Variants in FGD4 observed in about 807,000 individuals in gnomAD.
FGD4 encodes the protein FYVE, RhoGEF and PH domain-containing protein 4.
In FGD4, 42 loss-of-function variants were observed where a neutral mutation model predicts 102.0. The observed-to-expected ratio is 0.41, with a 90% CI of 0.32 to 0.53. FGD4 has a LOEUF of 0.53. FGD4 is among the 20% of genes least tolerant of loss of function. The probability of loss-of-function intolerance (pLI) is 0.21; values close to 1 mark genes in which losing one functional copy is unlikely to be tolerated. For synonymous variants in FGD4, 380 were observed against 375.7 expected (o/e 1.01, Z -0.13); for missense variants, 902 against 1,078.2 (o/e 0.84, Z 2.29).
intron 1 of FGD4, among the ~76,000 whole-genome samples, chr12:32,513,466 G>C (rs1278614467): frequency 9.2e-5 from 14 of 152,158 alleles, no homozygotes; most frequent in Non-Finnish European, 1.5e-5. Flanking sequence ...TAAGCTGCCA[G>C]GCAACATGGT....
chr12:32,435,975 T>C (rs1275077929), intron 1 of FGD4, among the ~76,000 whole-genome samples: 1 of 152,206 alleles, frequency 6.6e-6, no homozygotes, highest in Non-Finnish European at 1.5e-5. Flanking sequence ...CTTAGGGACT[T>C]TCTCAAAGTA....
At chr12:32,500,685 G>A (rs1342335864) in intron 1 of FGD4, among the ~76,000 whole-genome samples, 2 of 152,126 alleles carry the variant, frequency 1.3e-5, no homozygotes, top group Non-Finnish European at 2.9e-5. Flanking sequence ...ACCTGCCTCA[G>A]CCTCCCAAAG....
chr12:32,552,094 G>C (rs1355984844), intron 1 of FGD4, among the ~76,000 whole-genome samples: 7 of 152,184 alleles, frequency 4.6e-5, no homozygotes, highest in African/African-American at 1.7e-4. Context: ...ACCTCCTCCA[G>C]CTCAAGATGG....
rs1356899755 is a variant in FGD4 at position 32,608,023 on chromosome 12, C to T, written c.1471C>T (p.Arg491Trp). ...GCTAGAACCTGTTCAGCGGATTCCC[C>T]GGTATGAGATGCTCCTTAAGGACTA... ...HMLEPVQRIP[R>W]YEMLLKDYLR... The change falls in exon 8 of 17, where the codon CGG (arginine) becomes TGG (tryptophan). Residue 491 changes from arginine to tryptophan, a missense_variant. Around this residue, in one of 2 missense-constraint regions of FGD4, gnomAD observed 459 missense variants for 619.0 expected, o/e 0.74. Coordinates refer to ENST00000534526, the MANE Select transcript of FGD4 (RefSeq NM_001370298.3). 3.7e-6 allele frequency: 6 copies of T among 1,614,040 alleles called. No individual in the cohort carries two copies. Among genetic ancestry groups the T allele is most frequent in the Non-Finnish European group, 3.4e-6 (4 of 1,180,026 alleles).
At chr12:32,409,266 C>T (rs2136391810) in intron 1 of FGD4, among the ~76,000 whole-genome samples, 1 of 150,702 alleles carries the variant, frequency 6.6e-6, no homozygotes, top group East Asian at 1.9e-4. Context: ...ACTCTTTCCT[C>T]CCCCCAGTAA....
chr12:32,512,200 A>G (rs1288963512), intron 1 of FGD4, among the ~76,000 whole-genome samples: 2 of 152,016 alleles, frequency 1.3e-5, no homozygotes, highest in South Asian at 2.1e-4. Flanking sequence ...TAATCCCAGC[A>G]CTTTCGGAGG....
intron 1 of FGD4, among the ~76,000 whole-genome samples, chr12:32,472,928 C>T (rs555828596): frequency 2.0e-5 from 3 of 152,172 alleles, no homozygotes; most frequent in Non-Finnish European, 2.9e-5. Context: ...TGTAAATATA[C>T]CAATCGGCAC....
At chr12:32,460,421 T>G (rs1346662283) in intron 1 of FGD4, among the ~76,000 whole-genome samples, 3 of 151,630 alleles carry the variant, frequency 2.0e-5, no homozygotes, top group African/African-American at 7.3e-5. Flanking sequence ...AGGCTGATGC[T>G]TGAGGTTGGA....
chr12:32,602,477 G>A (rs775034848), intron 7 of FGD4, among the ~76,000 whole-genome samples, 160 bp downstream of exon 7: 35 of 152,158 alleles, frequency 2.3e-4, no homozygotes, highest in Non-Finnish European at 4.6e-4. Flanking sequence ...GCTGAAATAC[G>A]TATCAGTCAC....
At chr12:32,636,889 T>C (rs1486419879) in intron 15 of FGD4, among the ~76,000 whole-genome samples, 2 of 148,750 alleles carry the variant, frequency 1.3e-5, no homozygotes, top group East Asian at 3.9e-4. Context: ...TTTTTTTTTT[T>C]AGACAGAGTC....
intron 1 of FGD4, among the ~76,000 whole-genome samples, chr12:32,513,911 C>G (rs1450027218): frequency 6.6e-6 from 1 of 152,038 alleles, no homozygotes; most frequent in Admixed American, 6.6e-5. Flanking sequence ...CACAATTTTG[C>G]AAATAAATAC....
intron 16 of FGD4, chr12:32,639,074 G>A: frequency 4.4e-6 from 3 of 678,872 alleles, no homozygotes; most frequent in South Asian, 3.7e-5. Context: ...ATGAGGAGAA[G>A]GGGAAGCAAA....
chr12:32,438,767 A>G (rs1299347109), intron 1 of FGD4, among the ~76,000 whole-genome samples: 1 of 151,780 alleles, frequency 6.6e-6, no homozygotes, highest in Non-Finnish European at 1.5e-5. Context: ...CACCACGCCC[A>G]GCTAATTTTC....
rs541362169 is a variant in FGD4, at chr12:32,452,007, AT to A, written c.166+52050del. Among the ~76,000 whole-genome samples the A allele has an allele frequency of 2.6e-3, 402 of 152,254 alleles. 1 individual carries two copies. Among genetic ancestry groups the A allele is most frequent in the African/African-American group, 9.3e-3 (386 of 41,552 alleles). On this transcript the variant is annotated intron_variant, in intron 1 of 16. Coordinates refer to ENST00000534526, the MANE Select transcript of FGD4 (RefSeq NM_001370298.3). ...CAATAGAACTTCCTGAATGTTTTTT[AT>A]TCTATGCGCTTACCCTAATTTATAG... is the stretch of plus-strand genomic sequence containing the variant.
At chr12:32,446,921 G>T (rs899467870) in intron 1 of FGD4, among the ~76,000 whole-genome samples, 32 of 152,170 alleles carry the variant, frequency 2.1e-4, no homozygotes, top group African/African-American at 7.7e-4. Flanking sequence ...CATGCATCCT[G>T]CCCAGAGCCG....
chr12:32,632,388 T>C (rs530841179), intron 14 of FGD4, among the ~76,000 whole-genome samples: 1 of 152,338 alleles, frequency 6.6e-6, no homozygotes, highest in South Asian at 2.1e-4. Flanking sequence ...ACACTGACAG[T>C]AGACACTCTG....
At chr12:32,572,577 A>G (rs552045756) in intron 2 of FGD4, among the ~76,000 whole-genome samples, 12 of 152,366 alleles carry the variant, frequency 7.9e-5, no homozygotes, top group African/African-American at 2.9e-4. Context: ...TGTAATGCCA[A>G]TAGAGACTGA....
At chr12:32,568,068 A>G (rs1279518348) in intron 2 of FGD4, among the ~76,000 whole-genome samples, 1 of 139,250 alleles carries the variant, frequency 7.2e-6, no homozygotes, top group South Asian at 2.2e-4. Context: ...GGAACAATAT[A>G]TGGTTTACGT....
chr12:32,525,889 C>T (rs571020972), intron 1 of FGD4, among the ~76,000 whole-genome samples: 12 of 152,378 alleles, frequency 7.9e-5, no homozygotes, highest in South Asian at 4.1e-4. Context: ...GATTTCTCAC[C>T]GGGCCTTAGC....
Sources: allele counts gnomAD v4.1 joint callset (sites outside exome capture counted in the v4.1 genomes callset), GRCh38; gene constraint gnomAD v4.1.1; regional missense constraint gnomAD v4.1.1; transcripts MANE v1.5; gene names NCBI Gene and HGNC (gene_info 2026-07-23, HGNC 2026-07-21).